The following PKP1 variants were observed in gnomAD, a reference collection of about 807,000 sequenced individuals.
PKP1 encodes the protein plakophilin-1.
In PKP1, 27 loss-of-function variants were observed where a neutral mutation model predicts 76.4. The ratio of observed to expected loss-of-function variants is 0.35; its 90% CI spans 0.26 to 0.49. The LOEUF (loss-of-function observed/expected upper bound fraction) is 0.49. Among genes scored for constraint, PKP1 ranks in the 20% least tolerant of loss-of-function variants. The pLI, the probability that PKP1 is intolerant of heterozygous loss-of-function variation, is 0.99. For synonymous variants in PKP1, 404 were observed against 384.2 expected (o/e 1.05, Z -0.60); for missense variants, 964 against 955.2 (o/e 1.01, Z -0.12).
rs751867536 is a variant in PKP1 at position 201,283,881 on chromosome 1, C to T, written c.179C>T (p.Ser60Phe). Residue 60 changes from serine to phenylalanine, a missense_variant, in exon 1 of 14, where the codon TCC becomes TTC. Coordinates refer to ENST00000367324, the MANE Select transcript of PKP1 (RefSeq NM_001005337.3). ...CAGAAGTCCAAGTCTTCCCAGTCGT[C>T]CACCCTGAGCCACTCCAATCGAGGT... ...KRQKSKSSQS[S>F]TLSHSNRGSM... The T allele has an allele frequency of 6.2e-7, 1 of 1,614,138 alleles. No individual in the cohort carries two copies. Among genetic ancestry groups the T allele is most frequent in the South Asian group, 1.1e-5 (1 of 91,086 alleles).
chr1:201,305,043 T>TC (rs1392936566), intron 2 of PKP1, among the ~76,000 whole-genome samples: 1 of 152,202 alleles, frequency 6.6e-6, no homozygotes, highest in Non-Finnish European at 1.5e-5. Context: ...CCAAAGACCT[T>TC]CCCTACCTGA....
chr1:201,290,780 C>T (rs1479151830), intron 1 of PKP1, among the ~76,000 whole-genome samples: 1 of 152,184 alleles, frequency 6.6e-6, no homozygotes, highest in Non-Finnish European at 1.5e-5. Context: ...AGACATGGTT[C>T]GCACTTCAGA....
intron 12 of PKP1, among the ~76,000 whole-genome samples, chr1:201,327,658 G>A (rs768069505): frequency 5.3e-5 from 8 of 152,058 alleles, no homozygotes; most frequent in South Asian, 2.1e-4. Flanking sequence ...CATCGCTCTC[G>A]GTGGGAATTC....
At chr1:201,301,668 T>C (rs1656234611) in intron 2 of PKP1, among the ~76,000 whole-genome samples, 1 of 152,098 alleles carries the variant, frequency 6.6e-6, no homozygotes, top group African/African-American at 2.4e-5. Flanking sequence ...ATTTGAAGAA[T>C]CAAGGATAAT....
At chr1:201,322,182 C>A (rs116481281) in intron 8 of PKP1, 49 bp downstream of exon 8, 42 of 1,590,160 alleles carry the variant, frequency 2.6e-5, no homozygotes, top group African/African-American at 1.9e-4. Flanking sequence ...AGCACCCCCC[C>A]AGGAGCCACT....
At position 201,298,247 on chromosome 1, in the gene PKP1, G is replaced by A. The variant is rs553039346; in HGVS notation, c.306+4202G>A. Among the ~76,000 whole-genome samples, 14 of 152,276 alleles carry A rather than the reference G, an allele frequency of 9.2e-5. No homozygotes were observed. The South Asian group carries it at 1.7e-3, about 18-fold the overall frequency. Reference sequence around the variant, plus strand: ...TCTGGGTCAGCAAAGACGAGGATGCGGGGAATAGAGAGCTGGAGCCATGGA... The same window carrying A: ...TCTGGGTCAGCAAAGACGAGGATGCAGGGAATAGAGAGCTGGAGCCATGGA... On this transcript the variant is annotated intron_variant, in intron 2 of 13. Coordinates refer to ENST00000367324, the MANE Select transcript of PKP1 (RefSeq NM_001005337.3).
chr1:201,297,583 G>A (rs568541682), intron 2 of PKP1, among the ~76,000 whole-genome samples: 5 of 152,266 alleles, frequency 3.3e-5, no homozygotes, highest in African/African-American at 7.2e-5. Flanking sequence ...CTGGTACAGC[G>A]GACTAGATCT....
intron 6 of PKP1, chr1:201,319,678 G>A (rs1656878110): frequency 2.3e-5 from 19 of 827,954 alleles, no homozygotes; most frequent in South Asian, 2.2e-4. Context: ...TTGGGGATGA[G>A]CCCACATTGC....
At chr1:201,316,204 A>G (rs1656743242) in intron 3 of PKP1, 2 of 255,014 alleles carry the variant, frequency 7.8e-6, no homozygotes, top group Non-Finnish European at 1.5e-5. Context: ...CCATTTTCCT[A>G]ATACCAGACA....
At position 201,302,892 on chromosome 1, in the gene PKP1, C is replaced by G. The variant is rs144046533; in HGVS notation, c.306+8847C>G. On this transcript the variant is annotated intron_variant, in intron 2 of 13. Transcript: ENST00000367324. ...CCGAACTGCCTTCCTTCAGAAGAAG[C>G]CTTACAGGGCATGCTGTGGTTGGGG... Among the ~76,000 whole-genome samples the G allele has an allele frequency of 2.6e-3, 393 of 152,282 alleles. 4 individuals carry two copies. Among genetic ancestry groups the G allele is most frequent in the African/African-American group, 8.9e-3 (371 of 41,564 alleles).
rs1158377400 is a variant in PKP1, at chr1:201,332,750, C to T, written c.*2709C>T. The T allele has an allele frequency of 6.6e-6, 1 of 152,204 alleles. No homozygotes were observed. Among genetic ancestry groups the T allele is most frequent in the Non-Finnish European group, 1.5e-5 (1 of 68,066 alleles). The allele number at this position is 152,204 out of a possible 1,614,324, so 9.4% of individuals were successfully genotyped here. On this transcript the variant is annotated 3_prime_UTR_variant, in exon 14 of 14. Transcript: ENST00000367324. ...GAGGCAGTGTTGCTGTCTGCATGTC[C>T]ACCTTGGAATCTGGCTGAACTGGCT...
At chr1:201,306,489 G>A (rs986208837) in intron 2 of PKP1, among the ~76,000 whole-genome samples, 15 of 152,236 alleles carry the variant, frequency 9.9e-5, no homozygotes, top group Non-Finnish European at 2.9e-5. Context: ...AGACCCGCAA[G>A]CTACAAAGTT....
chr1:201,294,022 G>C lies in PKP1; in HGVS notation c.283G>C (p.Gly95Arg). 1.2e-6 allele frequency: 2 copies of C among 1,612,840 alleles called. No individual in the cohort carries two copies. ...RSSYYSKFQA[G>R]NGSWGYPIYN... ...CAGCTACTACTCCAAGTTCCAGGCA[G>C]GGAATGGCTCATGGGGATATCCGGT... The change falls in exon 2 of 14, where the codon GGG (glycine) becomes CGG (arginine). Residue 95 changes from glycine (G) to arginine (R), a missense_variant. Gly to Arg is a moderately radical substitution (Grantham distance 125). Coordinates refer to ENST00000367324, the MANE Select transcript of PKP1 (RefSeq NM_001005337.3).
intron 9 of PKP1, 122 bp from the exon 10 acceptor site, chr1:201,324,305 TG>T: frequency 1.0e-6 from 1 of 982,442 alleles, no homozygotes; most frequent in South Asian, 1.4e-5. Flanking sequence ...TGTGAGCTAG[TG>T]CTTCCAATAT....
chr1:201,316,402 G>A (rs1411240957), intron 3 of PKP1, 151 bp from the exon 4 acceptor site: 1 of 724,312 alleles, frequency 1.4e-6, no homozygotes, highest in Admixed American at 2.5e-5. Context: ...GTTCCCAGGG[G>A]TATTCTCCAA....
intron 7 of PKP1, 25 bp from the exon 8 acceptor site, chr1:201,321,953 G>C (rs774413664): frequency 6.2e-7 from 1 of 1,613,720 alleles, no homozygotes; most frequent in Non-Finnish European, 8.5e-7. Context: ...AGAGGCTCAG[G>C]CCCATGCCTC....
At chr1:201,285,862 G>A (rs941361110) in intron 1 of PKP1, among the ~76,000 whole-genome samples, 2 of 152,224 alleles carry the variant, frequency 1.3e-5, no homozygotes, top group African/African-American at 2.4e-5. Context: ...AGGTCCCCCA[G>A]GGGGCTTCAC....
At position 201,308,549 on chromosome 1, in the gene PKP1, T is replaced by TGG. The variant is rs1295706777; in HGVS notation, c.307-4616_307-4615dup. Among the ~76,000 whole-genome samples, 9 of 152,162 alleles carry TGG rather than the reference T, an allele frequency of 5.9e-5. No homozygotes were observed. In the East Asian group the frequency reaches 1.7e-3, roughly 29 times the overall value. ...CAGGGCTGGGTTAGAACAGGCCTTTTGGAGATGACAGGTGGAGAAGAGGCC... is the reference window on the plus strand; with the variant it reads ...CAGGGCTGGGTTAGAACAGGCCTTTTGGGGAGATGACAGGTGGAGAAGAGGCC... On this transcript the variant is annotated intron_variant, in intron 2 of 13. Coordinates refer to ENST00000367324, the MANE Select transcript of PKP1 (RefSeq NM_001005337.3).
intron 12 of PKP1, among the ~76,000 whole-genome samples, chr1:201,327,239 G>C (rs1476462560): frequency 6.6e-6 from 1 of 152,228 alleles, no homozygotes; most frequent in Non-Finnish European, 1.5e-5. Flanking sequence ...CATGGGAGGA[G>C]AGGGAGTAGG....
Sources: allele counts gnomAD v4.1 joint callset (sites outside exome capture counted in the v4.1 genomes callset), GRCh38; gene constraint gnomAD v4.1.1; transcripts MANE v1.5; gene names NCBI Gene and HGNC (gene_info 2026-07-23, HGNC 2026-07-21).